The following ZBTB18 variants were observed in gnomAD, a reference collection of about 807,000 sequenced individuals.
The protein encoded by ZBTB18 is zinc finger and BTB domain containing 18, also known as zinc finger and BTB domain-containing protein 18.
In ZBTB18, 2 loss-of-function variants were observed where a neutral mutation model predicts 37.7. The ratio of observed to expected loss-of-function variants is 0.05; its 90% confidence interval spans 0.02 to 0.17. The LOEUF (loss-of-function observed/expected upper bound fraction) is 0.17, where lower values mean the gene tolerates loss of function less well. Among genes scored for constraint, ZBTB18 ranks in the 10% least tolerant of loss-of-function variants. ZBTB18 has a pLI of 1.00. For missense variants in ZBTB18, 408 were observed against 686.3 expected (o/e 0.59, Z 4.53); for synonymous variants, 304 against 276.5 (o/e 1.10, Z -0.99).
Position 244,055,291 on chromosome 1 carries a change from C to T in ZBTB18, c.1517C>T (p.Ser506Leu). 3.1e-6 allele frequency: 5 copies of T among 1,613,618 alleles called. No homozygotes were observed. Among genetic ancestry groups the T allele is most frequent in the Middle Eastern group, 1.7e-4 (1 of 6,058 alleles). The change falls in exon 2 of 2, where the codon TCG (serine) becomes TTG (leucine). Residue 506 changes from serine to leucine, a missense_variant. Around this residue, in one of 4 missense-constraint regions of ZBTB18, gnomAD observed 22 missense variants for 38.3 expected, o/e 0.57. Coordinates refer to ENST00000358704, the MANE Select transcript of ZBTB18 (RefSeq NM_205768.3). The surrounding 1 kb of genome is among the most constrained non-coding windows in gnomAD (Gnocchi z 7.0). Reference protein sequence around the residue: ...KFHCELVNSLSVKSEALSLPT... With the variant: ...KFHCELVNSLLVKSEALSLPT... ...CACTGTGAGTTGGTGAACTCCTTGT[C>T]GGTCAAAAGCGAAGCACTGAGCTTG... is the stretch of plus-strand genomic sequence containing the variant.
upstream of ZBTB18, chr1:244,048,908 C>T (rs1427834858): frequency 1.3e-5 from 2 of 159,160 alleles, no homozygotes; most frequent in Non-Finnish European, 2.6e-5. Flanking sequence ...CCAAGTCCGG[C>T]GGCGGCGGCG....
upstream of ZBTB18, among the ~76,000 whole-genome samples, chr1:244,049,599 C>G (rs540299383): frequency 4.6e-5 from 7 of 152,120 alleles, no homozygotes; most frequent in Non-Finnish European, 7.4e-5. Context: ...TTGTTGTTGC[C>G]GTGACCCGGG....
chr1:244,053,774 T>C lies in ZBTB18; in HGVS notation c.14-14T>C. ...TCCTGACCAGGCTCTAATGAGAAAT[T>C]CCTCTCTCCCCAGGTTATGAAGACA... is the stretch of plus-strand genomic sequence containing the variant. On this transcript the variant is annotated splice_polypyrimidine_tract_variant and intron_variant, in intron 1 of 1. Coordinates refer to ENST00000358704, the MANE Select transcript of ZBTB18 (RefSeq NM_205768.3). The surrounding 1 kb of genome is among the most constrained non-coding windows in gnomAD (Gnocchi z 5.2). The C allele has an allele frequency of 6.3e-7, 1 of 1,587,830 alleles. No individual in the cohort carries two copies. The highest frequency in any genetic ancestry group is 8.6e-7 in the Non-Finnish European group (1 of 1,165,698).
Position 244,055,040 on chromosome 1 carries a change from G to T in ZBTB18, c.1266G>T (p.Ser422=). 3 of 1,614,178 alleles carry T rather than the reference G, an allele frequency of 1.9e-6. No homozygotes were observed. Among genetic ancestry groups the T allele is most frequent in the Non-Finnish European group, 2.5e-6 (3 of 1,180,026 alleles). The stretch of plus-strand genomic sequence containing the variant: ...CCGATGTCAACGTGCCCACGTGCTC[G>T]CTGTGTGGGAAGACTTTCTCTTGCA... ...PAADVNVPTC[S]LCGKTFSCMY... Residue 422 remains serine, a synonymous_variant, in exon 2 of 2, where the codon TCG becomes TCT. Coordinates refer to ENST00000358704, the MANE Select transcript of ZBTB18 (RefSeq NM_205768.3). The surrounding 1 kb of genome is among the most constrained non-coding windows in gnomAD (Gnocchi z 7.0).
rs1052679445 is a variant in ZBTB18, at chr1:244,055,949, A to G, written c.*579A>G. ...ACAGTTCCCAGTGAGAGAAATGCTGAAAGTACACTGGGATCACTGGGACAC... is the reference window on the plus strand; with the variant it reads ...ACAGTTCCCAGTGAGAGAAATGCTGGAAGTACACTGGGATCACTGGGACAC... On this transcript the variant is annotated 3_prime_UTR_variant, in exon 2 of 2. Coordinates refer to ENST00000358704, the MANE Select transcript of ZBTB18 (RefSeq NM_205768.3). The surrounding 1 kb of genome is among the most constrained non-coding windows in gnomAD (Gnocchi z 7.0). The G allele has an allele frequency of 6.0e-6, 1 of 167,116 alleles. No homozygotes were observed. Among genetic ancestry groups the G allele is most frequent in the Non-Finnish European group, 1.5e-5 (1 of 68,124 alleles). 10.4% of individuals were successfully genotyped at this position (167,116 alleles called of 1,614,324 possible). A position where few individuals can be genotyped will look rare whatever the true frequency, so the allele number is the denominator to read the frequency against.
In ZBTB18 at chr1:244,053,998, A is replaced by G; in HGVS notation, c.224A>G (p.Asn75Ser). 1 of 1,614,128 alleles carries G rather than the reference A, an allele frequency of 6.2e-7. No individual in the cohort carries two copies. The highest frequency in any genetic ancestry group is 8.5e-7 in the Non-Finnish European group (1 of 1,180,050). ...QLDKRDIVHL[N>S]SDIVTAPAFA... The stretch of plus-strand genomic sequence containing the variant: ...GACAAAAGAGACATTGTTCATCTGA[A>G]CAGCGACATTGTTACAGCCCCCGCT... Residue 75 changes from asparagine (N) to serine (S), a missense_variant, in exon 2 of 2, where the codon AAC becomes AGC. By Grantham distance (46) the Asn-to-Ser change is conservative. Around this residue, in one of 4 missense-constraint regions of ZBTB18, gnomAD observed 95 missense variants for 218.7 expected, o/e 0.43. Coordinates refer to ENST00000358704, the MANE Select transcript of ZBTB18 (RefSeq NM_205768.3). This position sits in a 1 kb window ranked among gnomAD's most constrained non-coding sequence, Gnocchi z 5.2.
intron 1 of ZBTB18, among the ~76,000 whole-genome samples, chr1:244,052,714 G>C (rs2148554991): frequency 6.6e-6 from 1 of 152,036 alleles, no homozygotes; most frequent in Middle Eastern, 3.4e-3. Flanking sequence ...GAAGCTAGTG[G>C]GAAAACAGAA....
chr1:244,049,617 TCTC>T (rs1157044222), upstream of ZBTB18, among the ~76,000 whole-genome samples: 1 of 152,138 alleles, frequency 6.6e-6, no homozygotes, highest in Non-Finnish European at 1.5e-5. Context: ...GGGTCTGTTT[TCTC>T]CTCTGTTGTT....
upstream of ZBTB18, among the ~76,000 whole-genome samples, chr1:244,050,433 G>A (rs1698324385): frequency 5.5e-5 from 1 of 18,270 alleles, no homozygotes; most frequent in Non-Finnish European, 1.2e-4. Context: ...ACATTAGAGT[G>A]ACCCCCCCCC....
chr1:244,054,413 C>T lies in ZBTB18; in HGVS notation c.639C>T (p.His213=), dbSNP rs781039121. The T allele has an allele frequency of 1.2e-5, 20 of 1,614,042 alleles. No individual in the cohort carries two copies. The highest frequency in any genetic ancestry group is 8.0e-5 in the African/African-American group (6 of 74,920). The change falls in exon 2 of 2, where the codon CAC becomes CAT. Residue 213 remains histidine, a synonymous_variant. Coordinates refer to ENST00000358704, the MANE Select transcript of ZBTB18 (RefSeq NM_205768.3). The surrounding 1 kb of genome is among the most constrained non-coding windows in gnomAD (Gnocchi z 9.0). ...AGGCTGGCGGAGAGGCAGAGCCACACGCCACAGCAGCTGGAAAAACAGTAG... is the reference window on the plus strand; with the variant it reads ...AGGCTGGCGGAGAGGCAGAGCCACATGCCACAGCAGCTGGAAAAACAGTAG... The part of the protein sequence containing the change: ...IPQAGGEAEP[H]ATAAGKTVAS...
intron 1 of ZBTB18, among the ~76,000 whole-genome samples, chr1:244,052,086 G>A (rs1473834144): frequency 3.2e-4 from 48 of 152,086 alleles, no homozygotes. Flanking sequence ...TTGTGTTAGC[G>A]ACTAATTTAG....
chr1:244,054,668 C>T lies in ZBTB18; in HGVS notation c.894C>T (p.Asp298=). 6.2e-7 allele frequency: 1 copy of T among 1,614,224 alleles called. No individual in the cohort carries two copies. Reference sequence around the variant, plus strand: ...ATGAGAGTGATGTTGGCACTAATGACTATGACATGGAACATAGCACTGTGA... The same window carrying T: ...ATGAGAGTGATGTTGGCACTAATGATTATGACATGGAACATAGCACTGTGA... ...SCDESDVGTN[D]YDMEHSTVKE... is the part of the protein sequence containing the mutation. Residue 298 remains aspartate, a synonymous_variant, in exon 2 of 2, where the codon GAC becomes GAT. Coordinates refer to ENST00000358704, the MANE Select transcript of ZBTB18 (RefSeq NM_205768.3). The surrounding 1 kb of genome is among the most constrained non-coding windows in gnomAD (Gnocchi z 9.0).
In ZBTB18 at chr1:244,057,331, TAGAC is replaced by T. The variant is rs1698495782; in HGVS notation, c.*1962_*1965del. On this transcript the variant is annotated 3_prime_UTR_variant, in exon 2 of 2. Coordinates refer to ENST00000358704, the MANE Select transcript of ZBTB18 (RefSeq NM_205768.3). Reference sequence around the variant, plus strand: ...CACATTCTTCCTTTGTTCTAAAACTTAGACTGACATCTAGCTTTGACAATCATAG... The same window carrying T: ...CACATTCTTCCTTTGTTCTAAAACTTTGACATCTAGCTTTGACAATCATAG... 1 of 167,118 alleles carries T rather than the reference TAGAC, an allele frequency of 6.0e-6. No homozygotes were observed. Among genetic ancestry groups the T allele is most frequent in the South Asian group, 2.1e-4 (1 of 4,834 alleles). The allele number at this position is 167,118 out of a possible 1,614,324, so 10.4% of individuals were successfully genotyped here.
chr1:244,055,359 C>T lies in ZBTB18; in HGVS notation c.1585C>T (p.Leu529Phe). The T allele has an allele frequency of 1.4e-6, 2 of 1,405,208 alleles. No individual in the cohort carries two copies. Among genetic ancestry groups the T allele is most frequent in the Non-Finnish European group, 1.9e-6 (2 of 1,057,066 alleles). The allele number at this position is 1,405,208 out of a possible 1,614,324, so 87.0% of individuals were successfully genotyped here. Residue 529 changes from leucine to phenylalanine, a missense_variant, in exon 2 of 2, where the codon CTT (leucine) becomes TTT (phenylalanine). Leu to Phe is a conservative substitution (Grantham distance 22). Transcript: ENST00000358704. This position sits in a 1 kb window ranked among gnomAD's most constrained non-coding sequence, Gnocchi z 7.0. ...DWTLEDSSQE[L>F]WK is the part of the protein sequence containing the mutation. Reference sequence around the variant, plus strand: ...GACCTTAGAAGATAGCTCTCAAGAACTTTGGAAATAATTTTATATATATAT... The same window carrying T: ...GACCTTAGAAGATAGCTCTCAAGAATTTTGGAAATAATTTTATATATATAT...
intron 1 of ZBTB18, among the ~76,000 whole-genome samples, chr1:244,052,221 C>T (rs1039973585): frequency 2.0e-5 from 3 of 152,198 alleles, no homozygotes; most frequent in Non-Finnish European, 2.9e-5. Context: ...TGTTTATAAG[C>T]TTCCTTCTTC....
At chr1:244,051,530 C>A in intron 1 of ZBTB18, 86 bp downstream of exon 1, 1 of 1,509,410 alleles carries the variant, frequency 6.6e-7, no homozygotes, top group Non-Finnish European at 9.2e-7. Flanking sequence ...ACTTTTCTAA[C>A]CCAGTTTAGG....
intron 1 of ZBTB18, 140 bp downstream of exon 1, chr1:244,051,584 T>C: frequency 1.1e-6 from 1 of 943,728 alleles, no homozygotes; most frequent in Non-Finnish European, 1.6e-6. Context: ...CTTACTGGAG[T>C]TGAAAGTCTT....
chr1:244,049,518 C>G (rs1304193058), upstream of ZBTB18, among the ~76,000 whole-genome samples: 1 of 151,694 alleles, frequency 6.6e-6, no homozygotes, highest in Non-Finnish European at 1.5e-5. Flanking sequence ...CCCGGGGGCT[C>G]GCGCGTCGCG....
rs1218482019 is a variant in ZBTB18, at chr1:244,054,014, A to G, written c.240A>G (p.Thr80=). The G allele has an allele frequency of 6.2e-7, 1 of 1,613,978 alleles. No individual in the cohort carries two copies. The highest frequency in any genetic ancestry group is 1.3e-5 in the African/African-American group (1 of 74,882). Residue 80 remains threonine, a synonymous_variant, in exon 2 of 2, where the codon ACA becomes ACG. Coordinates refer to ENST00000358704, the MANE Select transcript of ZBTB18 (RefSeq NM_205768.3). This position sits in a 1 kb window ranked among gnomAD's most constrained non-coding sequence, Gnocchi z 9.0. The part of the protein sequence containing the change: ...DIVHLNSDIV[T]APAFALLLEF... ...TTCATCTGAACAGCGACATTGTTAC[A>G]GCCCCCGCTTTCGCTCTCCTGCTTG...
Sources: allele counts gnomAD v4.1 joint callset (sites outside exome capture counted in the v4.1 genomes callset), GRCh38; gene constraint gnomAD v4.1.1; regional missense constraint gnomAD v4.1.1; non-coding constraint Gnocchi (gnomAD v3.1); transcripts MANE v1.5; gene names NCBI Gene and HGNC (gene_info 2026-07-23, HGNC 2026-07-21).